Variants in RNLS observed in about 807,000 individuals in gnomAD.
RNLS encodes renalase, FAD dependent amine oxidase.
A neutral mutation model predicts 39.8 loss-of-function variants in RNLS; 39 were observed. The ratio of observed to expected loss-of-function variants is 0.98; its 90% CI spans 0.76 to 1.28. RNLS has a LOEUF of 1.28. Among genes scored for constraint, RNLS ranks in the 50% most tolerant of loss-of-function variants. RNLS has a pLI of 0.00. For missense variants in RNLS, 410 were observed against 413.3 expected (o/e 0.99, Z 0.07); for synonymous variants, 147 against 150.7 (o/e 0.98, Z 0.18).
chr10:88,498,795 A>C (rs1021055282), intron 4 of RNLS, among the ~76,000 whole-genome samples: 1 of 152,084 alleles, frequency 6.6e-6, no homozygotes, highest in South Asian at 2.1e-4. Flanking sequence ...TTGATAAAAC[A>C]AATGTGGTAA....
At chr10:88,190,420 C>T in the RNLS span, among the ~76,000 whole-genome samples, 1 of 152,154 alleles carries the variant, frequency 6.6e-6, no homozygotes, top group Non-Finnish European at 1.5e-5. Context: ...AGTTACAGGA[C>T]ATGGCACATA....
At chr10:88,405,594 T>C (rs1385539522) in intron 4 of RNLS, among the ~76,000 whole-genome samples, 1 of 152,024 alleles carries the variant, frequency 6.6e-6, no homozygotes, top group Non-Finnish European at 1.5e-5. Flanking sequence ...AGTCCTTATG[T>C]GTTAGGTGAG....
intron 4 of RNLS, among the ~76,000 whole-genome samples, chr10:88,428,686 C>A (rs1187678174): frequency 6.6e-6 from 1 of 151,952 alleles, no homozygotes; most frequent in Non-Finnish European, 1.5e-5. Context: ...AGAACTGGGG[C>A]AAATGCCAAG....
rs376664279 is a variant in RNLS at position 88,439,346 on chromosome 10, G to GT, written c.527-76622dup. 4.6e-3 allele frequency among the ~76,000 whole-genome samples: 699 copies of GT among 152,230 alleles called. 6 individuals are homozygous for GT. The highest frequency in any genetic ancestry group is 0.016 in the African/African-American group (676 of 41,532). On this transcript the variant is annotated intron_variant, in intron 4 of 6. Coordinates refer to ENST00000331772, the MANE Select transcript of RNLS (RefSeq NM_001031709.3). ...GCATTATAAGCCCCAACACTTCCAG[G>GT]TAAGTATATCAGATAGTAGGAAATA...
chr10:88,200,529 A>G, the RNLS span, among the ~76,000 whole-genome samples: 1 of 152,192 alleles, frequency 6.6e-6, no homozygotes, highest in African/African-American at 2.4e-5. Context: ...AGTGCTTTGT[A>G]TCTATGTCTG....
chr10:88,539,052 T>C (rs1039571056), intron 4 of RNLS, among the ~76,000 whole-genome samples: 1 of 152,076 alleles, frequency 6.6e-6, no homozygotes, highest in Non-Finnish European at 1.5e-5. Flanking sequence ...AAACTGTAGT[T>C]TTAAGAGATT....
intron 4 of RNLS, among the ~76,000 whole-genome samples, chr10:88,364,971 T>C (rs1439324557): frequency 6.6e-6 from 1 of 152,154 alleles, no homozygotes; most frequent in Non-Finnish European, 1.5e-5. Context: ...AACTTTTATT[T>C]TTTTTAACCA....
intron 5 of RNLS, among the ~76,000 whole-genome samples, chr10:88,327,738 TTGTA>T (rs1230348643): frequency 6.6e-6 from 1 of 152,078 alleles, no homozygotes; most frequent in Non-Finnish European, 1.5e-5. Flanking sequence ...AATTGACATT[TTGTA>T]TGTATGTATG....
At chr10:88,378,499 A>T (rs570112070) in intron 4 of RNLS, among the ~76,000 whole-genome samples, 1 of 151,960 alleles carries the variant, frequency 6.6e-6, no homozygotes, top group Non-Finnish European at 1.5e-5. Flanking sequence ...CTCCCACCTC[A>T]CCCCTGCCTT....
intron 3 of RNLS, among the ~76,000 whole-genome samples, chr10:88,579,470 C>T (rs886997856): frequency 3.3e-5 from 5 of 152,070 alleles, no homozygotes; most frequent in African/African-American, 1.2e-4. Context: ...CTAGGGCTAG[C>T]CTCAGGGATG....
chr10:88,462,783 T>C (rs1842997516), intron 4 of RNLS, among the ~76,000 whole-genome samples: 1 of 151,436 alleles, frequency 6.6e-6, no homozygotes, highest in East Asian at 1.9e-4. Context: ...CAAAAACTTA[T>C]CAAGAATTCA....
chr10:88,234,546 A>G, the RNLS span, among the ~76,000 whole-genome samples: 3 of 152,140 alleles, frequency 2.0e-5, no homozygotes, highest in African/African-American at 4.8e-5. Flanking sequence ...ACAAGGACCT[A>G]TTGTGTCCTG....
the RNLS span, among the ~76,000 whole-genome samples, chr10:88,204,138 C>G: frequency 6.6e-6 from 1 of 152,148 alleles, no homozygotes; most frequent in South Asian, 2.1e-4. Context: ...CCCTGGGGAT[C>G]AGACCATGGT....
chr10:88,180,401 G>A, the RNLS span, among the ~76,000 whole-genome samples: 3 of 152,176 alleles, frequency 2.0e-5, no homozygotes, highest in Middle Eastern at 3.4e-3. Context: ...ATAAAGATTC[G>A]ATTTTTCAGA....
At chr10:88,564,887 G>C (rs1026313484) in intron 4 of RNLS, among the ~76,000 whole-genome samples, 1 of 152,080 alleles carries the variant, frequency 6.6e-6, no homozygotes, top group Admixed American at 6.6e-5. Context: ...GCAAAATAGA[G>C]AGAGTTGGAT....
chr10:88,341,674 C>T (rs1187461266), intron 5 of RNLS, among the ~76,000 whole-genome samples: 1 of 152,074 alleles, frequency 6.6e-6, no homozygotes, highest in Admixed American at 6.5e-5. Context: ...GTATTTTGCT[C>T]TACCATACTT....
At chr10:88,319,206 G>T (rs1228045965) in intron 5 of RNLS, among the ~76,000 whole-genome samples, 2 of 152,074 alleles carry the variant, frequency 1.3e-5, no homozygotes, top group Non-Finnish European at 2.9e-5. Context: ...AAAGCACCTG[G>T]AAAGGAGGCC....
chr10:88,272,623 T>C (rs1842680626), downstream of RNLS, among the ~76,000 whole-genome samples: 1 of 152,200 alleles, frequency 6.6e-6, no homozygotes. Flanking sequence ...ATGAAGAACT[T>C]GGTACAGCAC....
chr10:88,446,123 C>G (rs1348890453), intron 4 of RNLS, among the ~76,000 whole-genome samples: 2 of 152,116 alleles, frequency 1.3e-5, no homozygotes, highest in Non-Finnish European at 2.9e-5. Context: ...TCTCTCAGAC[C>G]ACAGTGCAAT....
Sources: gnomAD v4.1 joint callset for allele counts (sites outside exome capture counted in the v4.1 genomes callset) on GRCh38, gnomAD v4.1.1 for gene constraint, MANE v1.5 for transcripts, NCBI Gene and HGNC (gene_info 2026-07-23, HGNC 2026-07-21) for gene names.